The following GRM8 variants were observed in gnomAD, a reference collection of about 807,000 sequenced individuals.
GRM8 encodes glutamate metabotropic receptor 8.
A neutral mutation model predicts 87.2 loss-of-function variants in GRM8; 47 were observed. The observed-to-expected ratio is 0.54, with a 90% confidence interval of 0.43 to 0.69. The LOEUF (loss-of-function observed/expected upper bound fraction) is 0.69. Among genes scored for constraint, GRM8 ranks in the 30% least tolerant of loss-of-function variants. The pLI is 0.00. For missense variants in GRM8, 1,019 were observed against 1,139.2 expected (o/e 0.89, Z 1.52); for synonymous variants, 396 against 404.5 (o/e 0.98, Z 0.25).
In GRM8 at chr7:127,168,383, G is replaced by A. The variant is rs113945184; in HGVS notation, c.511-61671C>T. Among the ~76,000 whole-genome samples the A allele has an allele frequency of 6.3e-3, 960 of 152,260 alleles. 4 individuals carry two copies. The highest frequency in any genetic ancestry group is 0.022 in the African/African-American group (927 of 41,562). On this transcript the variant is annotated intron_variant, in intron 2 of 10. Transcript: ENST00000339582. Reference sequence around the variant, plus strand: ...TCCTAGAGAGGATGTGGAGAAATACGAATGCTTTTACACTGTTGGTGGGAG... The same window carrying A: ...TCCTAGAGAGGATGTGGAGAAATACAAATGCTTTTACACTGTTGGTGGGAG...
intron 8 of GRM8, among the ~76,000 whole-genome samples, chr7:126,540,172 A>T (rs1816369109): frequency 6.6e-6 from 1 of 152,170 alleles, no homozygotes; most frequent in Admixed American, 6.5e-5. Context: ...CCCAAAGAAG[A>T]TATACAAATT....
chr7:126,596,393 T>C (rs1025773424), intron 8 of GRM8, among the ~76,000 whole-genome samples: 20 of 152,334 alleles, frequency 1.3e-4, no homozygotes, highest in Non-Finnish European at 2.2e-4. Context: ...TTGATCTGCA[T>C]TTCTCTAATG....
intron 8 of GRM8, among the ~76,000 whole-genome samples, chr7:126,548,182 G>A (rs1585020207): frequency 1.3e-5 from 2 of 152,058 alleles, no homozygotes; most frequent in Admixed American, 1.3e-4. Flanking sequence ...GGAGGGATGA[G>A]GAGGGATAGC....
chr7:126,601,182 T>C (rs910142890), intron 8 of GRM8, among the ~76,000 whole-genome samples: 3 of 150,858 alleles, frequency 2.0e-5, no homozygotes, highest in East Asian at 2.0e-4. Flanking sequence ...ATATGCGGTG[T>C]TTGGTTTTTT....
rs911410935 is a variant in GRM8, at chr7:127,195,754, C to T, written c.510+46941G>A. Among the ~76,000 whole-genome samples, 36 of 152,162 alleles carry T rather than the reference C, an allele frequency of 2.4e-4. 1 individual carries two copies. The highest frequency in any genetic ancestry group is 7.2e-4 in the African/African-American group (30 of 41,444). On this transcript the variant is annotated intron_variant, in intron 2 of 10. Coordinates refer to ENST00000339582, the MANE Select transcript of GRM8 (RefSeq NM_000845.3). ...TGAGGTGCTCTTCCCTCTGCTCCCA[C>T]CAAACCCTGAGCATCTCTCTTCACA...
intron 7 of GRM8, among the ~76,000 whole-genome samples, chr7:126,639,321 A>G (rs1802155653): frequency 6.6e-6 from 1 of 152,164 alleles, no homozygotes; most frequent in Non-Finnish European, 1.5e-5. Flanking sequence ...ATCCCCTGGC[A>G]TAGTGCCTTA....
chr7:126,460,695 G>A (rs1290862010), intron 9 of GRM8, among the ~76,000 whole-genome samples: 2 of 151,488 alleles, frequency 1.3e-5, no homozygotes, highest in East Asian at 3.9e-4. Context: ...GATTATTACC[G>A]TGACCAGGTA....
At chr7:126,606,819 C>T (rs532449789) in intron 8 of GRM8, among the ~76,000 whole-genome samples, 27 of 152,234 alleles carry the variant, frequency 1.8e-4, no homozygotes, top group African/African-American at 5.8e-4. Flanking sequence ...CTTTCATGCA[C>T]TGTTAAATGT....
chr7:126,993,096 T>C (rs1432507647), intron 3 of GRM8, among the ~76,000 whole-genome samples: 2 of 152,136 alleles, frequency 1.3e-5, no homozygotes, highest in Admixed American at 6.5e-5. Flanking sequence ...GAGGTTAAAA[T>C]TTAAGATACG....
rs1475623052 is a variant in GRM8, at chr7:127,238,259, C to G, written c.510+4436G>C. ...CATGTTATATGAGTGAAGCAATCACCTAGGTCTGCTCTGCCCCATGTTAGC... is the reference window on the plus strand; with the variant it reads ...CATGTTATATGAGTGAAGCAATCACGTAGGTCTGCTCTGCCCCATGTTAGC... On this transcript the variant is annotated intron_variant, in intron 2 of 10. Coordinates refer to ENST00000339582, the MANE Select transcript of GRM8 (RefSeq NM_000845.3). Among the ~76,000 whole-genome samples, 3 of 151,924 alleles carry G rather than the reference C, an allele frequency of 2.0e-5. No homozygotes were observed. The East Asian group carries it at 5.8e-4, about 29-fold the overall frequency.
rs373248997 is a variant in GRM8, at chr7:126,969,138, A to AT, written c.728-64456dup. ...ATCTGAACCTTCAGAAAAGCATAAT[A>AT]TTTTTGCTGGTGGAGGGTCTTGCCC... On this transcript the variant is annotated intron_variant, in intron 3 of 10. Coordinates refer to ENST00000339582, the MANE Select transcript of GRM8 (RefSeq NM_000845.3). Among the ~76,000 whole-genome samples the AT allele has an allele frequency of 4.9e-3, 753 of 152,244 alleles. 5 individuals are homozygous for AT. The highest frequency in any genetic ancestry group is 0.01 in the Middle Eastern group (3 of 294).
At chr7:127,214,028 G>C (rs1207987891) in intron 2 of GRM8, among the ~76,000 whole-genome samples, 2 of 152,082 alleles carry the variant, frequency 1.3e-5, no homozygotes, top group Non-Finnish European at 2.9e-5. Context: ...ATAACTATAT[G>C]GAAAAATATG....
At chr7:126,733,878 C>T (rs10259229) in intron 7 of GRM8, among the ~76,000 whole-genome samples, 49,412 of 151,844 alleles carry the variant, frequency 0.33, 8,668 homozygotes, top group Non-Finnish European at 0.38. Context: ...CATGTCATTC[C>T]AGATGTGCTA....
At chr7:126,535,951 G>A (rs1815645973) in intron 8 of GRM8, among the ~76,000 whole-genome samples, 1 of 152,188 alleles carries the variant, frequency 6.6e-6, no homozygotes, top group South Asian at 2.1e-4. Flanking sequence ...ACTCATGAGA[G>A]ACCCTGAGCC....
chr7:126,536,639 T>C (rs1378809595), intron 8 of GRM8, among the ~76,000 whole-genome samples: 2 of 152,136 alleles, frequency 1.3e-5, no homozygotes, highest in South Asian at 4.1e-4. Flanking sequence ...CACAGTGATT[T>C]CTTTCAAAAA....
chr7:126,483,637 T>A (rs1033889887), intron 9 of GRM8, among the ~76,000 whole-genome samples: 3 of 151,556 alleles, frequency 2.0e-5, no homozygotes, highest in African/African-American at 7.3e-5. Flanking sequence ...TTTTCATATT[T>A]CCAAAACACT....
At chr7:126,663,599 T>C (rs1805446440) in intron 7 of GRM8, among the ~76,000 whole-genome samples, 1 of 152,152 alleles carries the variant, frequency 6.6e-6, no homozygotes, top group South Asian at 2.1e-4. Flanking sequence ...CAACCCTTCA[T>C]GATAAAAGCT....
At chr7:127,221,995 C>T (rs1796961720) in intron 2 of GRM8, among the ~76,000 whole-genome samples, 2 of 152,194 alleles carry the variant, frequency 1.3e-5, no homozygotes, top group Admixed American at 1.3e-4. Flanking sequence ...CATAACACTC[C>T]CTAAAATATT....
rs1316501840 is a variant in GRM8 at position 127,242,870 on chromosome 7, G to C, written c.335C>G (p.Ala112Gly). 3.7e-6 allele frequency: 6 copies of C among 1,614,104 alleles called. No homozygotes were observed. The highest frequency in any genetic ancestry group is 2.7e-5 in the African/African-American group (2 of 75,032). ...CACGAATGTTAGAGACTGCTCCAAA[G>C]CATAGGTGTCCCTAGAGCACGTGTC... The part of the protein sequence containing the change: ...ILDTCSRDTY[A>G]LEQSLTFVQA... Residue 112 changes from alanine to glycine, a missense_variant, in exon 2 of 11, where the codon GCT becomes GGT. Transcript: ENST00000339582.
Sources: allele counts gnomAD v4.1 joint callset (sites outside exome capture counted in the v4.1 genomes callset), GRCh38; gene constraint gnomAD v4.1.1; transcripts MANE v1.5; gene names NCBI Gene and HGNC (gene_info 2026-07-23, HGNC 2026-07-21).